The following PGAP6 variants were observed in gnomAD, a reference collection of about 807,000 sequenced individuals.
The protein encoded by PGAP6 is post-GPI attachment to proteins 6.
A neutral mutation model predicts 68.4 loss-of-function variants in PGAP6; 62 were observed. That is an observed-to-expected ratio of 0.91 (90% CI 0.74 to 1.12). The LOEUF is 1.12. Ranked by LOEUF, PGAP6 falls within the 50% of genes most tolerant of loss-of-function variation. The pLI, the probability that PGAP6 is intolerant of heterozygous loss-of-function variation, is 0.00. For missense variants in PGAP6, 1,188 were observed against 1,068.5 expected, an observed-to-expected ratio of 1.11 and a Z score of -1.56; for synonymous variants, 575 against 474.0, an observed-to-expected ratio of 1.21 and a Z score of -2.77.
At chr16:385,916 G>A (rs937838649), upstream of PGAP6, among the ~76,000 whole-genome samples, 11 of 152,202 alleles carry the variant, frequency 7.2e-5, no homozygotes, top group South Asian at 4.1e-4. Context: ...GAGCCACCGC[G>A]CCCGGCCTAC....
rs1597162280 is a variant in PGAP6 at position 377,123 on chromosome 16, C to T, written c.549G>A (p.Leu183=). 6.2e-7 allele frequency: 1 copy of T among 1,613,550 alleles called. No individual in the cohort carries two copies. Among genetic ancestry groups the T allele is most frequent in the Non-Finnish European group, 8.5e-7 (1 of 1,180,026 alleles). ...PTCAYVFQPE[L]LVTRVVEISI... The stretch of plus-strand genomic sequence containing the variant: ...AAATCTCGACCACCCGCGTGACCAG[C>T]AGTTCAGGCTGGAAGACGTAGGCAC... Residue 183 remains leucine, a synonymous_variant, in exon 4 of 13, where the codon CTG becomes CTA. Coordinates refer to ENST00000431232, the MANE Select transcript of PGAP6 (RefSeq NM_021259.3).
At position 381,681 on chromosome 16, in the gene PGAP6, C is replaced by T. The variant is rs1466658549; in HGVS notation, c.121+20G>A. Reference sequence around the variant, plus strand: ...AGCCCCGGCCCCACGCCCCCGATGGCGCCCGCGCCTCCCGCTCACCGCTCT... The same window carrying T: ...AGCCCCGGCCCCACGCCCCCGATGGTGCCCGCGCCTCCCGCTCACCGCTCT... On this transcript the variant is annotated intron_variant, in intron 1 of 12. Coordinates refer to ENST00000431232, the MANE Select transcript of PGAP6 (RefSeq NM_021259.3). 3 of 1,198,804 alleles carry T rather than the reference C, an allele frequency of 2.5e-6. No homozygotes were observed. The highest frequency in any genetic ancestry group is 4.5e-5 in the Admixed American group (1 of 22,292). The allele number at this position is 1,198,804 out of a possible 1,614,324, so 74.3% of individuals were successfully genotyped here. A position where few individuals can be genotyped will look rare whatever the true frequency, so the allele number is the denominator to read the frequency against.
chr16:380,905 A>G (rs922195934), intron 1 of PGAP6, among the ~76,000 whole-genome samples: 2 of 152,178 alleles, frequency 1.3e-5, no homozygotes, highest in African/African-American at 2.4e-5. Context: ...CCAGCCGGCC[A>G]GAAAGGACAC....
upstream of PGAP6, among the ~76,000 whole-genome samples, chr16:385,526 TG>T (rs2054476345): frequency 6.6e-6 from 1 of 150,710 alleles, no homozygotes; most frequent in South Asian, 2.1e-4. Flanking sequence ...TTAGCCAGGA[TG>T]GTCTCGATCT....
chr16:372,135 C>T lies in PGAP6; in HGVS notation c.2168G>A (p.Ser723Asn). 1 of 1,612,964 alleles carries T rather than the reference C, an allele frequency of 6.2e-7. No individual in the cohort carries two copies. Among genetic ancestry groups the T allele is most frequent in the Non-Finnish European group, 8.5e-7 (1 of 1,179,980 alleles). Residue 723 changes from serine (S) to asparagine (N), a missense_variant, in exon 13 of 13, where the codon AGC becomes AAC. By Grantham distance (46) the Ser-to-Asn change is conservative. Transcript: ENST00000431232. ...MTSDNYYYTH[S>N]IWHILLAGSA... ...CCCGGCCAGCAGGATGTGCCAGATG[C>T]TGTGGGTGTAGTAGTAGTTGTCGCT... is the stretch of plus-strand genomic sequence containing the variant.
chr16:386,878 A>C (rs1216733915), upstream of PGAP6: 4 of 643,524 alleles, frequency 6.2e-6, no homozygotes, highest in African/African-American at 3.6e-5. Context: ...ATAAAAAAGA[A>C]GACCCGCACG....
chr16:384,188 C>G (rs931374279), upstream of PGAP6: 1 of 152,574 alleles, frequency 6.6e-6, no homozygotes, highest in Non-Finnish European at 1.5e-5. Flanking sequence ...CCCAAGCCCC[C>G]CTCCTCCCAC....
intron 1 of PGAP6, among the ~76,000 whole-genome samples, chr16:378,677 A>G (rs2054414036): frequency 6.6e-6 from 1 of 152,036 alleles, no homozygotes; most frequent in Admixed American, 6.6e-5. Context: ...AGCCTCCCAC[A>G]TCTCCATCCC....
chr16:378,492 T>A (rs4991327), intron 1 of PGAP6, among the ~76,000 whole-genome samples: 2 of 2,614 alleles, frequency 7.7e-4, no homozygotes, highest in East Asian at 0.011. Flanking sequence ...CCATCGCCAC[T>A]CTGACTGCCA....
intron 1 of PGAP6, among the ~76,000 whole-genome samples, chr16:378,181 C>CCCACCCGCACTGCCATTG (rs2054404091): frequency 3.3e-5 from 2 of 59,720 alleles, no homozygotes; most frequent in East Asian, 3.5e-4. Context: ...CACTGCCATC[C>CCCACCCGCACTGCCATTG]CCACCCGCAC....
intron 3 of PGAP6, 72 bp from the exon 4 acceptor site, chr16:377,236 GC>G (rs2054393112): frequency 6.2e-7 from 1 of 1,604,478 alleles, no homozygotes; most frequent in Non-Finnish European, 8.5e-7. Context: ...CTCACCAGAC[GC>G]CCCCGGCATG....
chr16:377,221 A>G, intron 3 of PGAP6, 57 bp from the exon 4 acceptor site: 3 of 1,609,972 alleles, frequency 1.9e-6, no homozygotes, highest in East Asian at 4.5e-5. Flanking sequence ...GTGTGAGGGC[A>G]TGGTCTCACC....
upstream of PGAP6, chr16:382,559 G>A (rs2054453298): frequency 1.0e-5 from 3 of 301,426 alleles, no homozygotes; most frequent in Non-Finnish European, 1.8e-5. Flanking sequence ...CGGGGTGGCG[G>A]TTCACACGGG....
In PGAP6 at chr16:371,665, C is replaced by T; in HGVS notation, c.*322G>A. The T allele has an allele frequency of 3.0e-6, 1 of 334,316 alleles. No individual in the cohort carries two copies. The allele number at this position is 334,316 out of a possible 1,614,324, so 20.7% of individuals were successfully genotyped here. On this transcript the variant is annotated 3_prime_UTR_variant, in exon 13 of 13. Transcript: ENST00000431232. ...AGGGAGTCCTTCTCCCCATCTCTAG[C>T]CACCCACAGGCCAGCAGAGCACACA...
In PGAP6 at chr16:370,848, C is replaced by T. The variant is rs550251392; in HGVS notation, c.*1139G>A. ...ACCAAACACAGATAGATCAGATCTA[C>T]ATAAAAATATGTCTTAATATCTTAG... is the stretch of plus-strand genomic sequence containing the variant. On this transcript the variant is annotated 3_prime_UTR_variant, in exon 13 of 13. Transcript: ENST00000431232. 1 of 152,778 alleles carries T rather than the reference C, an allele frequency of 6.5e-6. No homozygotes were observed. The highest frequency in any genetic ancestry group is 2.4e-5 in the African/African-American group (1 of 41,574). The allele number at this position is 152,778 out of a possible 1,614,324, so 9.5% of individuals were successfully genotyped here.
In PGAP6 at chr16:371,988, C is replaced by T; in HGVS notation, c.2315G>A (p.Ter772=). 1.2e-6 allele frequency: 2 copies of T among 1,610,394 alleles called. No homozygotes were observed. The highest frequency in any genetic ancestry group is 1.7e-6 in the Non-Finnish European group (2 of 1,178,336). ...GCAGCAGCTGTCCCCAGGCCAGTGT[C>T]ACGTCACTGCGTACAGTTCCTCCCG... The part of the protein sequence containing the change: ...NDREELYAVT[*] Residue 772 remains the stop codon, a stop_retained_variant, in exon 13 of 13, where the codon TGA becomes TAA. Transcript: ENST00000431232.
At position 375,434 on chromosome 16, in the gene PGAP6, G is replaced by A; in HGVS notation, c.1226C>T (p.Thr409Ile). The change falls in exon 7 of 13, where the codon ACA (threonine) becomes ATA (isoleucine). Residue 409 changes from threonine (T) to isoleucine (I), a missense_variant and splice_region_variant. Transcript: ENST00000431232. ...TACGACGGTCTCGTTCCGCATCTCTGTCTGGAAAGGGAGGCGGTGCCGGCT... is the reference window on the plus strand; with the variant it reads ...TACGACGGTCTCGTTCCGCATCTCTATCTGGAAAGGGAGGCGGTGCCGGCT... ...SLTISLRANK[T>I]EMRNETVVVA... 1 of 1,611,922 alleles carries A rather than the reference G, an allele frequency of 6.2e-7. No homozygotes were observed. The highest frequency in any genetic ancestry group is 2.2e-5 in the East Asian group (1 of 44,878).
chr16:377,279 T>G, intron 3 of PGAP6, 99 bp downstream of exon 3: 1 of 1,581,036 alleles, frequency 6.3e-7, no homozygotes, highest in Admixed American at 1.7e-5. Context: ...GAGTGCAGCG[T>G]GGAGCCTAGA....
Position 372,248 on chromosome 16 carries a change from G to C in PGAP6, c.2055C>G (p.Pro685=). 13 of 1,611,790 alleles carry C rather than the reference G, an allele frequency of 8.1e-6. No individual in the cohort carries two copies. The highest frequency in any genetic ancestry group is 1.1e-5 in the Non-Finnish European group (13 of 1,179,872). The change falls in exon 13 of 13, where the codon CCC becomes CCG. Residue 685 remains proline, a synonymous_variant. Coordinates refer to ENST00000431232, the MANE Select transcript of PGAP6 (RefSeq NM_021259.3). ...YRCGHRRQCY[P]TSWQRWAFYL... is the part of the protein sequence containing the mutation. ...AGAAGGCCCAGCGCTGCCACGAGGT[G>C]GGGTAGCACTGGCGCCGGTGCCCGC...
Sources: gnomAD v4.1 joint callset for allele counts (sites outside exome capture counted in the v4.1 genomes callset) on GRCh38, gnomAD v4.1.1 for gene constraint, MANE v1.5 for transcripts, NCBI Gene and HGNC (gene_info 2026-07-23, HGNC 2026-07-21) for gene names.